H3C13: variants seen among roughly 807,000 people sequenced by gnomAD.
The protein encoded by H3C13 is histone H3.2.
Under a neutral mutation model 7.3 loss-of-function variants are expected in H3C13, and 8 were observed. That is an observed-to-expected ratio of 1.09 (90% confidence interval 0.64 to 1.97). The LOEUF is 1.97. H3C13 is among the 30% of genes most tolerant of loss of function. The pLI is 0.00. For missense variants in H3C13, 173 were observed against 196.5 expected (o/e 0.88, Z 0.72); for synonymous variants, 110 against 90.1 (o/e 1.22, Z -1.25).
chr1:149,813,690 A>G lies in H3C13; in HGVS notation c.-9T>C. ...TGCTTAGTACGGGCCATGCTGTCTC[A>G]TTGATAGGAGAGGGTCTAGGCAGTC... On this transcript the variant is annotated 5_prime_UTR_variant, in exon 1 of 1. An upstream start codon of the reference 5' UTR is lost. Coordinates refer to ENST00000331491, the MANE Select transcript of H3C13 (RefSeq NM_001123375.3). 1.2e-6 allele frequency: 2 copies of G among 1,613,426 alleles called. No individual in the cohort carries two copies. Among genetic ancestry groups the G allele is most frequent in the East Asian group, 2.2e-5 (1 of 44,872 alleles).
Position 149,813,660 on chromosome 1 carries a change from C to A in H3C13, c.22G>T (p.Ala8Ser). Reference protein sequence around the residue: MARTKQTARKSTGGKAPR... With the variant: MARTKQTSRKSTGGKAPR... ...GCCTTGCCGCCGGTCGACTTGCGGGCAGTCTGCTTAGTACGGGCCATGCTG... is the reference window on the plus strand; with the variant it reads ...GCCTTGCCGCCGGTCGACTTGCGGGAAGTCTGCTTAGTACGGGCCATGCTG... Residue 8 changes from alanine (A) to serine (S), a missense_variant, in exon 1 of 1, where the codon GCC (alanine) becomes TCC (serine). Coordinates refer to ENST00000331491, the MANE Select transcript of H3C13 (RefSeq NM_001123375.3). 2.5e-6 allele frequency: 4 copies of A among 1,613,704 alleles called. No homozygotes were observed. Among genetic ancestry groups the A allele is most frequent in the South Asian group, 1.1e-5 (1 of 91,076 alleles).
In H3C13 at chr1:149,813,293, C is replaced by G. The variant is rs2101513147; in HGVS notation, c.389G>C (p.Arg130Pro). Residue 130 changes from arginine to proline, a missense_variant, in exon 1 of 1, where the codon CGC becomes CCC. Coordinates refer to ENST00000331491, the MANE Select transcript of H3C13 (RefSeq NM_001123375.3). ...GCCTTAGGCCCGCTCCCCGCGGATG[C>G]GGCGGGCCAACTGGATGTCCTTGGG... ...IMPKDIQLAR[R>P]IRGERA is the part of the protein sequence containing the mutation. The G allele has an allele frequency of 6.2e-7, 1 of 1,614,148 alleles. No homozygotes were observed. Among genetic ancestry groups the G allele is most frequent in the Non-Finnish European group, 8.5e-7 (1 of 1,179,954 alleles).
In H3C13 at chr1:149,813,482, G is replaced by A. The variant is rs782663267; in HGVS notation, c.200C>T (p.Pro67Leu). Residue 67 changes from proline (P) to leucine (L), a missense_variant, in exon 1 of 1, where the codon CCC becomes CTC. Coordinates refer to ENST00000331491, the MANE Select transcript of H3C13 (RefSeq NM_001123375.3). ...KSTELLIRKL[P>L]FQRLVREIAQ... ...GATCTCGCGTACCAGCCGCTGGAAG[G>A]GCAGCTTGCGGATCAGCAGCTCCGT... The A allele has an allele frequency of 1.2e-5, 19 of 1,614,216 alleles. No individual in the cohort carries two copies. The South Asian group carries it at 1.9e-4, about 16-fold the overall frequency.
chr1:149,813,313 C>T lies in H3C13; in HGVS notation c.369G>A (p.Lys123=). 3 of 1,614,246 alleles carry T rather than the reference C, an allele frequency of 1.9e-6. No individual in the cohort carries two copies. Among genetic ancestry groups the T allele is most frequent in the South Asian group, 2.2e-5 (2 of 91,086 alleles). The part of the protein sequence containing the change: ...IHAKRVTIMP[K]DIQLARRIRG... ...GGATGCGGCGGGCCAACTGGATGTC[C>T]TTGGGCATGATGGTCACGCGCTTGG... The change falls in exon 1 of 1, where the codon AAG becomes AAA. Residue 123 remains lysine (K), a synonymous_variant. Transcript: ENST00000331491.
Position 149,813,655 on chromosome 1 carries a change from G to C in H3C13, c.27C>G (p.Arg9=), listed in dbSNP as rs781922786. Residue 9 remains arginine (R), a synonymous_variant, in exon 1 of 1, where the codon CGC becomes CGG. Coordinates refer to ENST00000331491, the MANE Select transcript of H3C13 (RefSeq NM_001123375.3). The part of the protein sequence containing the change: MARTKQTA[R]KSTGGKAPRK... ...TCGGGGCCTTGCCGCCGGTCGACTT[G>C]CGGGCAGTCTGCTTAGTACGGGCCA... 12 of 1,613,650 alleles carry C rather than the reference G, an allele frequency of 7.4e-6. No homozygotes were observed. In the African/African-American group the frequency reaches 1.5e-4, roughly 20 times the overall value.
In H3C13 at chr1:149,813,253, A is replaced by G. The variant is rs1553754840; in HGVS notation, c.*18T>C. ...GGCTCTGAAAAGAGCCTTTAGATCG[A>G]CCACTTAAAAATATGCCTTAGGCCC... On this transcript the variant is annotated 3_prime_UTR_variant, in exon 1 of 1. Transcript: ENST00000331491. 5 of 1,613,560 alleles carry G rather than the reference A, an allele frequency of 3.1e-6. No homozygotes were observed. The highest frequency in any genetic ancestry group is 1.1e-5 in the South Asian group (1 of 91,042).
Position 149,813,597 on chromosome 1 carries a change from T to A in H3C13, c.85A>T (p.Ser29Cys), listed in dbSNP as rs782119561. The change falls in exon 1 of 1, where the codon AGC becomes TGC. Residue 29 changes from serine to cysteine, a missense_variant. By Grantham distance (112) the Ser-to-Cys change is moderately radical. Coordinates refer to ENST00000331491, the MANE Select transcript of H3C13 (RefSeq NM_001123375.3). ...TTCACCCCGCCCGTGGCCGGCGCGC[T>A]CTTGCGGGCCGCTTTGGTAGCCAGC... ...KQLATKAARK[S>C]APATGGVKKP... 3.1e-6 allele frequency: 5 copies of A among 1,613,120 alleles called. No individual in the cohort carries two copies. In the South Asian group the frequency reaches 5.5e-5, roughly 18 times the overall value.
At position 149,813,505 on chromosome 1, in the gene H3C13, C is replaced by G. The variant is rs1408866064; in HGVS notation, c.177G>C (p.Thr59=). 1.9e-6 allele frequency: 3 copies of G among 1,614,100 alleles called. No homozygotes were observed. Among genetic ancestry groups the G allele is most frequent in the Middle Eastern group, 1.6e-4 (1 of 6,074 alleles). Residue 59 remains threonine, a synonymous_variant, in exon 1 of 1, where the codon ACG becomes ACC. Transcript: ENST00000331491. ...LREIRRYQKS[T]ELLIRKLPFQ... ...AGGGCAGCTTGCGGATCAGCAGCTC[C>G]GTAGACTTCTGGTAGCGCCGGATCT...
At position 149,813,355 on chromosome 1, in the gene H3C13, G is replaced by A. The variant is rs1553754874; in HGVS notation, c.327C>T (p.Asn109=). The A allele has an allele frequency of 1.2e-6, 2 of 1,614,180 alleles. No individual in the cohort carries two copies. The highest frequency in any genetic ancestry group is 2.2e-5 in the East Asian group (1 of 44,908). ...AYLVGLFEDT[N]LCAIHAKRVT... is the part of the protein sequence containing the mutation. ...CGCGCTTGGCATGGATGGCGCACAG[G>A]TTCGTGTCTTCGAACAGCCCCACCA... Residue 109 remains asparagine (N), a synonymous_variant, in exon 1 of 1, where the codon AAC becomes AAT. Transcript: ENST00000331491.
chr1:149,813,291 T>C lies in H3C13; in HGVS notation c.391A>G (p.Ile131Val). ...ATGCCTTAGGCCCGCTCCCCGCGGA[T>C]GCGGCGGGCCAACTGGATGTCCTTG... ...MPKDIQLARR[I>V]RGERA Residue 131 changes from isoleucine (I) to valine (V), a missense_variant, in exon 1 of 1, where the codon ATC (isoleucine) becomes GTC (valine). Physicochemically the swap from Ile to Val is conservative, Grantham distance 29. Transcript: ENST00000331491. The C allele has an allele frequency of 6.2e-7, 1 of 1,614,154 alleles. No homozygotes were observed. Among genetic ancestry groups the C allele is most frequent in the Non-Finnish European group, 8.5e-7 (1 of 1,179,960 alleles).
chr1:149,813,614 G>A lies in H3C13; in HGVS notation c.68C>T (p.Thr23Ile), dbSNP rs1447650068. 7 of 1,613,418 alleles carry A rather than the reference G, an allele frequency of 4.3e-6. No homozygotes were observed. The East Asian group carries it at 1.1e-4, about 26-fold the overall frequency. ...CGGCGCGCTCTTGCGGGCCGCTTTG[G>A]TAGCCAGCTGCTTCCTCGGGGCCTT... Reference protein sequence around the residue: ...GGKAPRKQLATKAARKSAPAT... With the variant: ...GGKAPRKQLAIKAARKSAPAT... Residue 23 changes from threonine to isoleucine, a missense_variant, in exon 1 of 1, where the codon ACC (threonine) becomes ATC (isoleucine). By Grantham distance (89) the Thr-to-Ile change is moderately conservative (BLOSUM62 -1). Coordinates refer to ENST00000331491, the MANE Select transcript of H3C13 (RefSeq NM_001123375.3).
Position 149,813,590 on chromosome 1 carries a change from G to A in H3C13, c.92C>T (p.Pro31Leu), listed in dbSNP as rs782724873. Residue 31 changes from proline to leucine, a missense_variant, in exon 1 of 1, where the codon CCG becomes CTG. Transcript: ENST00000331491. ...CGGCTTCTTCACCCCGCCCGTGGCC[G>A]GCGCGCTCTTGCGGGCCGCTTTGGT... The part of the protein sequence containing the change: ...LATKAARKSA[P>L]ATGGVKKPHR... The A allele has an allele frequency of 6.2e-7, 1 of 1,613,222 alleles. No homozygotes were observed.
Sources: allele counts gnomAD v4.1 joint callset, GRCh38; gene constraint gnomAD v4.1.1; transcripts MANE v1.5; gene names NCBI Gene and HGNC (gene_info 2026-07-23, HGNC 2026-07-21).